The following AKAP9 variants were observed in gnomAD, a reference collection of about 807,000 sequenced individuals.
AKAP9 encodes the protein A-kinase anchor protein 9.
In AKAP9, 311 loss-of-function variants were observed where a neutral mutation model predicts 488.5. The observed-to-expected ratio is 0.64, with a 90% confidence interval of 0.58 to 0.70. The LOEUF (loss-of-function observed/expected upper bound fraction) is 0.70. Ranked by LOEUF, AKAP9 falls within the 30% of genes least tolerant of loss-of-function variation. AKAP9 has a pLI of 0.00. For missense variants in AKAP9, 4,215 were observed against 4,374.5 expected (o/e 0.96, Z 1.03); for synonymous variants, 1,462 against 1,483.5 (o/e 0.99, Z 0.33).
rs1181884532 is a variant in AKAP9, at chr7:91,959,476, AAT to A, written c.49-14234_49-14233del. ...CCTGGCTAATTTAAAAAAAAAAAAA[AAT>A]TTACTTTTTTAAGAGATGGATCTTG... On this transcript the variant is annotated intron_variant, in intron 1 of 49. Coordinates refer to ENST00000356239, the MANE Select transcript of AKAP9 (RefSeq NM_005751.5). 1.8e-3 allele frequency among the ~76,000 whole-genome samples: 250 copies of A among 141,156 alleles called. 2 individuals are homozygous for A. The highest frequency in any genetic ancestry group is 6.3e-3 in the African/African-American group (237 of 37,654). 92.6% of individuals were successfully genotyped at this position (141,156 alleles called of 152,430 possible). A position where few individuals can be genotyped will look rare whatever the true frequency, so the allele number is the denominator to read the frequency against.
chr7:92,062,019 G>C (rs1030615482), intron 23 of AKAP9, among the ~76,000 whole-genome samples: 1 of 152,024 alleles, frequency 6.6e-6, no homozygotes, highest in Non-Finnish European at 1.5e-5. Flanking sequence ...TGGTACTTTG[G>C]TATAGCAAAG....
At chr7:92,057,070 G>A (rs1369331761) in intron 22 of AKAP9, among the ~76,000 whole-genome samples, 2 of 151,966 alleles carry the variant, frequency 1.3e-5, no homozygotes, top group African/African-American at 4.8e-5. Flanking sequence ...AGTTTAGTCA[G>A]GGTTCATAAG....
At chr7:91,998,969 G>C (rs949498232) in intron 7 of AKAP9, among the ~76,000 whole-genome samples, 2 of 152,142 alleles carry the variant, frequency 1.3e-5, no homozygotes, top group African/African-American at 4.8e-5. Flanking sequence ...CTATTGTAGT[G>C]CAGAGTTTGA....
At position 92,061,283 on chromosome 7, in the gene AKAP9, G is replaced by C. The variant is rs1478569181; in HGVS notation, c.5625G>C (p.Gln1875His). 1 of 1,612,584 alleles carries C rather than the reference G, an allele frequency of 6.2e-7. No homozygotes were observed. The highest frequency in any genetic ancestry group is 8.5e-7 in the Non-Finnish European group (1 of 1,179,086). ...AGCTTGAACATGCGAAAGTGACACA[G>C]ACAGAGTTGATGCGTGAGTCATTTA... ...SSQLEHAKVT[Q>H]TELMRESFRQ... The change falls in exon 23 of 50, where the codon CAG becomes CAC. Residue 1875 changes from glutamine to histidine, a missense_variant. Gln to His is a conservative substitution (Grantham distance 24, BLOSUM62 0). Transcript: ENST00000356239.
chr7:92,025,267 T>C (rs571824116), intron 14 of AKAP9, among the ~76,000 whole-genome samples: 5 of 152,314 alleles, frequency 3.3e-5, no homozygotes, highest in African/African-American at 4.8e-5. Context: ...TCTGGAAACA[T>C]AGGCTTACAT....
Position 92,102,835 on chromosome 7 carries a change from T to C in AKAP9, c.11330+9T>C, listed in dbSNP as rs1399056497. On this transcript the variant is annotated intron_variant, in intron 46 of 49. Coordinates refer to ENST00000356239, the MANE Select transcript of AKAP9 (RefSeq NM_005751.5). ...TCCATTGCAATTTCCAGGTAAAGAC[T>C]TGAAGGAAAATGCATTTTACTAGTA... 7 of 1,611,258 alleles carry C rather than the reference T, an allele frequency of 4.3e-6. No individual in the cohort carries two copies. Among genetic ancestry groups the C allele is most frequent in the Non-Finnish European group, 5.9e-6 (7 of 1,177,840 alleles).
chr7:92,016,418 A>G, intron 11 of AKAP9, 151 bp downstream of exon 11: 1 of 615,152 alleles, frequency 1.6e-6, no homozygotes, highest in South Asian at 2.2e-5. Context: ...GAAATCTCAT[A>G]TTTAATACAC....
chr7:92,099,818 GC>G lies in AKAP9; in HGVS notation c.10846del (p.Leu3616TrpfsTer23). ...ATGACTTAAGGAACATGGTTATGAA[GC>G]TGGAAGAGCAGATCAGGTGGTATCG... Reference protein sequence around the residue: ...KNDLRNMVMKLEEQIRWYRQT... With the variant: ...KNDLRNMVMKXEEQIRWYRQT... On this transcript the variant is annotated frameshift_variant, in exon 44 of 50. Transcript: ENST00000356239. LOFTEE classifies it high-confidence loss of function. 6.2e-7 allele frequency: 1 copy of G among 1,614,072 alleles called. No homozygotes were observed. The highest frequency in any genetic ancestry group is 8.5e-7 in the Non-Finnish European group (1 of 1,179,974).
rs2130784499 is a variant in AKAP9, at chr7:92,042,126, G to A, written c.4998G>A (p.Leu1666=). The stretch of plus-strand genomic sequence containing the variant: ...AGGAGCTGGAAGCACTAAAGCAGCT[G>A]TCTTTAGCTGGAAGAGAGAAGCTGT... ...LLEELEALKQ[L]SLAGREKLCC... is the part of the protein sequence containing the mutation. The change falls in exon 19 of 50, where the codon CTG becomes CTA. Residue 1666 remains leucine (L), a synonymous_variant. Transcript: ENST00000356239. 1 of 1,614,024 alleles carries A rather than the reference G, an allele frequency of 6.2e-7. No individual in the cohort carries two copies. The highest frequency in any genetic ancestry group is 8.5e-7 in the Non-Finnish European group (1 of 1,179,928).
At chr7:91,956,841 CT>C (rs1793085450) in intron 1 of AKAP9, among the ~76,000 whole-genome samples, 1 of 152,108 alleles carries the variant, frequency 6.6e-6, no homozygotes, top group Non-Finnish European at 1.5e-5. Context: ...TGTTTTGTTT[CT>C]GATAAATCAG....
chr7:92,103,205 A>G (rs984227874), intron 46 of AKAP9, among the ~76,000 whole-genome samples: 2 of 151,182 alleles, frequency 1.3e-5, no homozygotes, highest in Non-Finnish European at 3.0e-5. Context: ...CCTGGCCAAC[A>G]TGGTGAAACC....
chr7:92,021,964 C>T (rs1802380573), intron 12 of AKAP9, among the ~76,000 whole-genome samples: 1 of 152,104 alleles, frequency 6.6e-6, no homozygotes, highest in Non-Finnish European at 1.5e-5. Context: ...TACCAAAATT[C>T]TCAGAAGCAC....
At chr7:91,942,296 T>C (rs1184167875) in intron 1 of AKAP9, among the ~76,000 whole-genome samples, 2 of 152,178 alleles carry the variant, frequency 1.3e-5, no homozygotes, top group African/African-American at 4.8e-5. Context: ...TCAACACAAG[T>C]TTGTTAAATG....
At chr7:91,964,356 G>A (rs1211228975) in intron 1 of AKAP9, among the ~76,000 whole-genome samples, 2 of 152,112 alleles carry the variant, frequency 1.3e-5, no homozygotes, top group Non-Finnish European at 2.9e-5. Context: ...TAGCAATAAT[G>A]GTTTACATAA....
Position 92,001,166 on chromosome 7 carries a change from G to A in AKAP9, c.1249G>A (p.Asp417Asn), listed in dbSNP as rs2130663587. The A allele has an allele frequency of 6.2e-7, 1 of 1,613,964 alleles. No individual in the cohort carries two copies. Among genetic ancestry groups the A allele is most frequent in the Non-Finnish European group, 8.5e-7 (1 of 1,179,920 alleles). The change falls in exon 8 of 50, where the codon GAT (aspartate) becomes AAT (asparagine). Residue 417 changes from aspartate to asparagine, a missense_variant. Coordinates refer to ENST00000356239, the MANE Select transcript of AKAP9 (RefSeq NM_005751.5). Reference protein sequence around the residue: ...RNHKDSQFETDIVQRMEQETQ... With the variant: ...RNHKDSQFETNIVQRMEQETQ... ...TCATAAAGACAGCCAGTTCGAAACT[G>A]ATATAGTACAACGAATGGAACAAGA...
In AKAP9 at chr7:92,062,378, A is replaced by T; in HGVS notation, c.5869A>T (p.Asn1957Tyr). ...RLEQELLCAS[N>Y]RLQELEAEQQ... The stretch of plus-strand genomic sequence containing the variant: ...TGAGCAGGAGTTGTTATGTGCAAGT[A>T]ACAGGTTGCAAGAATTGGAGGCAGA... Residue 1957 changes from asparagine (N) to tyrosine (Y), a missense_variant, in exon 24 of 50, where the codon AAC becomes TAC. By Grantham distance (143) the Asn-to-Tyr change is moderately radical. This residue lies in a region of AKAP9 where 2,361 missense variants were observed against 2,430.0 expected (regional missense o/e 0.97). Coordinates refer to ENST00000356239, the MANE Select transcript of AKAP9 (RefSeq NM_005751.5). The T allele has an allele frequency of 6.2e-7, 1 of 1,613,930 alleles. No homozygotes were observed. The highest frequency in any genetic ancestry group is 1.1e-5 in the South Asian group (1 of 91,086).
Position 91,943,037 on chromosome 7 carries a change from A to AT in AKAP9, c.48+1890_48+1891insT, listed in dbSNP as rs1426128391. Among the ~76,000 whole-genome samples the AT allele has an allele frequency of 4.6e-5, 7 of 151,952 alleles. No individual in the cohort carries two copies. The East Asian group carries it at 1.4e-3, about 29-fold the overall frequency. On this transcript the variant is annotated intron_variant, in intron 1 of 49. Transcript: ENST00000356239. ...TGAGACTCTACAAAAAATTAAATAA[A>AT]AAAAAAAAATAGCAGGGCATGGTGG...
intron 1 of AKAP9, among the ~76,000 whole-genome samples, chr7:91,958,456 G>T (rs574565066): frequency 2.0e-5 from 3 of 152,034 alleles, no homozygotes; most frequent in African/African-American, 7.3e-5. Context: ...GTAAAGTGCC[G>T]TTCTTCTCAC....
chr7:92,001,481 GA>G lies in AKAP9; in HGVS notation c.1568del (p.Lys523SerfsTer15), dbSNP rs1799175745. The G allele has an allele frequency of 2.5e-6, 4 of 1,613,892 alleles. No individual in the cohort carries two copies. Among genetic ancestry groups the G allele is most frequent in the Non-Finnish European group, 3.4e-6 (4 of 1,179,894 alleles). On this transcript the variant is annotated frameshift_variant, in exon 8 of 50. Coordinates refer to ENST00000356239, the MANE Select transcript of AKAP9 (RefSeq NM_005751.5). LOFTEE classifies it high-confidence loss of function. The part of the protein sequence containing the change: ...LKEELGLILE[E>X]KCALQRQLED... ...GGAAGAACTAGGACTAATTTTAGAA[GA>G]AAAGTGTGCTCTACAGAGACAGCTT...
Sources: allele counts gnomAD v4.1 joint callset (sites outside exome capture counted in the v4.1 genomes callset), GRCh38; gene constraint gnomAD v4.1.1; regional missense constraint gnomAD v4.1.1; transcripts MANE v1.5; gene names NCBI Gene and HGNC (gene_info 2026-07-23, HGNC 2026-07-21).